Variants in KIFAP3 observed in about 807,000 individuals in gnomAD.
The protein encoded by KIFAP3 is kinesin-associated protein 3.
A neutral mutation model predicts 106.5 loss-of-function variants in KIFAP3; 68 were observed. The ratio of observed to expected loss-of-function variants is 0.64; its 90% CI spans 0.53 to 0.78. KIFAP3 has a LOEUF of 0.78. Ranked by LOEUF, KIFAP3 falls within the 30% of genes least tolerant of loss-of-function variation. KIFAP3 has a pLI of 0.00. For synonymous variants in KIFAP3, 320 were observed against 311.5 expected, an observed-to-expected ratio of 1.03 and a Z score of -0.29; for missense variants, 780 against 941.8, an observed-to-expected ratio of 0.83 and a Z score of 2.25.
At chr1:169,954,324 C>T (rs1664892727) in intron 18 of KIFAP3, among the ~76,000 whole-genome samples, 1 of 152,098 alleles carries the variant, frequency 6.6e-6, no homozygotes, top group African/African-American at 2.4e-5. Flanking sequence ...ATTCATTGAG[C>T]ATCTACTATG....
In KIFAP3 at chr1:170,024,613, T is replaced by C. The variant is rs2102023555; in HGVS notation, c.842-17A>G. On this transcript the variant is annotated splice_polypyrimidine_tract_variant and intron_variant, in intron 8 of 19. Transcript: ENST00000361580. ...AAAGAGCAACTAGAAAAGTAAAATA[T>C]ATGAGAGATAAAGAATTAGTATACT... is the stretch of plus-strand genomic sequence containing the variant. The C allele has an allele frequency of 6.9e-7, 1 of 1,456,882 alleles. No homozygotes were observed. Among genetic ancestry groups the C allele is most frequent in the Non-Finnish European group, 9.3e-7 (1 of 1,080,538 alleles). The allele number at this position is 1,456,882 out of a possible 1,614,324, so 90.2% of individuals were successfully genotyped here. A position where few individuals can be genotyped will look rare whatever the true frequency, so the allele number is the denominator to read the frequency against.
chr1:169,924,878 C>T (rs1454184598), intron 19 of KIFAP3, among the ~76,000 whole-genome samples: 1 of 152,142 alleles, frequency 6.6e-6, no homozygotes, highest in Non-Finnish European at 1.5e-5. Flanking sequence ...AAAAATTGTG[C>T]TTTCCTGATC....
chr1:170,036,963 T>A (rs1348164967), intron 5 of KIFAP3, among the ~76,000 whole-genome samples: 1 of 152,208 alleles, frequency 6.6e-6, no homozygotes, highest in Non-Finnish European at 1.5e-5. Context: ...CAGATTATGA[T>A]GAAGTAATCT....
chr1:169,924,834 A>G (rs1663042344), intron 19 of KIFAP3, among the ~76,000 whole-genome samples: 1 of 152,212 alleles, frequency 6.6e-6, no homozygotes, highest in South Asian at 2.1e-4. Context: ...TGAAAGAGAT[A>G]GAAACTATGA....
At chr1:170,007,877 G>C (rs989619598) in intron 10 of KIFAP3, among the ~76,000 whole-genome samples, 1 of 152,028 alleles carries the variant, frequency 6.6e-6, no homozygotes, top group African/African-American at 2.4e-5. Flanking sequence ...TATACTACAA[G>C]GCTACAGTAA....
At chr1:169,950,300 C>G (rs1422871476) in intron 19 of KIFAP3, among the ~76,000 whole-genome samples, 1 of 152,136 alleles carries the variant, frequency 6.6e-6, no homozygotes, top group Non-Finnish European at 1.5e-5. Flanking sequence ...TTGGCACTGT[C>G]ATATTGTTTC....
chr1:170,055,113 A>G (rs556656916), intron 2 of KIFAP3, among the ~76,000 whole-genome samples, 192 bp downstream of exon 2: 3 of 152,346 alleles, frequency 2.0e-5, no homozygotes, highest in African/African-American at 7.2e-5. Flanking sequence ...TTAAGCTTAC[A>G]AAAATCTCAT....
At chr1:169,991,646 T>A (rs1667113000) in intron 11 of KIFAP3, among the ~76,000 whole-genome samples, 1 of 152,234 alleles carries the variant, frequency 6.6e-6, no homozygotes. Flanking sequence ...GAATTTAAAC[T>A]AAAGAAAAAT....
In KIFAP3 at chr1:170,062,026, G is replaced by C. The variant is rs565821412; in HGVS notation, c.33-6590C>G. On this transcript the variant is annotated intron_variant, in intron 1 of 19. Transcript: ENST00000361580. ...TGGGGCCTGTCACGTGGTGGGGAGA[G>C]GGGGGAGGGATAGCATTAGGAGATA... 3.3e-5 allele frequency among the ~76,000 whole-genome samples: 5 copies of C among 152,136 alleles called. No individual in the cohort carries two copies. In the East Asian group the frequency reaches 7.7e-4, roughly 24 times the overall value.
intron 19 of KIFAP3, among the ~76,000 whole-genome samples, chr1:169,952,045 T>C (rs1484371636): frequency 6.6e-6 from 1 of 151,986 alleles, no homozygotes; most frequent in African/African-American, 2.4e-5. Context: ...TTTAAATAAC[T>C]ATAGCTAATA....
chr1:169,981,908 A>G, intron 15 of KIFAP3, 64 bp downstream of exon 15: 2 of 1,308,896 alleles, frequency 1.5e-6, no homozygotes, highest in South Asian at 1.4e-5. Flanking sequence ...TGCATTTTAT[A>G]TTTAAATATT....
chr1:169,962,572 A>C (rs1571567679), intron 17 of KIFAP3, among the ~76,000 whole-genome samples: 1 of 152,180 alleles, frequency 6.6e-6, no homozygotes, highest in East Asian at 1.9e-4. Flanking sequence ...GCAGGGTAAT[A>C]GCACTATTAA....
chr1:169,952,664 T>C (rs1054028870), intron 19 of KIFAP3, among the ~76,000 whole-genome samples: 1 of 152,076 alleles, frequency 6.6e-6, no homozygotes, highest in African/African-American at 2.4e-5. Flanking sequence ...TGAGTTCAAA[T>C]TGTTGCTCCA....
At chr1:170,083,539 G>A (rs549199492) in intron 1 of KIFAP3, among the ~76,000 whole-genome samples, 10 of 152,280 alleles carry the variant, frequency 6.6e-5, no homozygotes, top group African/African-American at 2.4e-4. Flanking sequence ...CTGTAAAATA[G>A]GGGTAATAGT....
intron 12 of KIFAP3, among the ~76,000 whole-genome samples, chr1:169,984,048 TA>T (rs1434410665): frequency 6.6e-6 from 1 of 151,844 alleles, no homozygotes; most frequent in Non-Finnish European, 1.5e-5. Flanking sequence ...CATTTTTATT[TA>T]AAAATATGCA....
At chr1:170,084,794 G>C (rs1048366650) in intron 1 of KIFAP3, among the ~76,000 whole-genome samples, 10 of 152,122 alleles carry the variant, frequency 6.6e-5, no homozygotes, top group African/African-American at 2.4e-4. Context: ...GGAGAACCTG[G>C]TATACGAGAA....
At chr1:170,030,680 G>T (rs993966740) in intron 8 of KIFAP3, among the ~76,000 whole-genome samples, 2 of 151,556 alleles carry the variant, frequency 1.3e-5, no homozygotes, top group African/African-American at 2.4e-5. Context: ...CTGAGTAAAA[G>T]ACAAAAATGC....
At chr1:169,962,741 T>C (rs1665402771) in intron 17 of KIFAP3, among the ~76,000 whole-genome samples, 3 of 152,340 alleles carry the variant, frequency 2.0e-5, no homozygotes, top group African/African-American at 7.2e-5. Flanking sequence ...ATGTAATTAT[T>C]ATTGTAATTT....
At chr1:169,993,627 AGGTGATTTG>A (rs1667213918) in intron 10 of KIFAP3, among the ~76,000 whole-genome samples, 2 of 30 alleles carry the variant, frequency 0.067, no homozygotes, top group African/African-American at 0.12. Context: ...AGCTTCAGGC[AGGTGATTTG>A]CTTGTACCCA....
Sources: gnomAD v4.1 joint callset for allele counts (sites outside exome capture counted in the v4.1 genomes callset) on GRCh38, gnomAD v4.1.1 for gene constraint, MANE v1.5 for transcripts, NCBI Gene and HGNC (gene_info 2026-07-23, HGNC 2026-07-21) for gene names.